The following ADARB2 variants were observed in gnomAD, a reference collection of about 807,000 sequenced individuals.
ADARB2 encodes inactive double-stranded RNA-specific editase B2.
A neutral mutation model predicts 62.2 loss-of-function variants in ADARB2; 25 were observed. The observed-to-expected ratio is 0.40, with a 90% CI of 0.29 to 0.56. The LOEUF (loss-of-function observed/expected upper bound fraction) is 0.56, where lower values mean the gene tolerates loss of function less well. Ranked by LOEUF, ADARB2 falls within the 20% of genes least tolerant of loss-of-function variation. ADARB2 has a pLI of 0.43. For synonymous variants in ADARB2, 572 were observed against 500.8 expected (o/e 1.14, Z -1.90); for missense variants, 1,071 against 1,077.4 (o/e 0.99, Z 0.08).
intron 1 of ADARB2, among the ~76,000 whole-genome samples, chr10:1,517,193 C>CT (rs915232336): frequency 1.3e-5 from 2 of 152,012 alleles, no homozygotes; most frequent in Non-Finnish European, 2.9e-5. Context: ...TCGTGCCTTC[C>CT]TTTTTTGGAA....
Position 1,363,263 on chromosome 10 carries a change from AC to A in ADARB2, c.841del (p.Val281CysfsTer3). On this transcript the variant is annotated frameshift_variant, in exon 3 of 10. Coordinates refer to ENST00000381312, the MANE Select transcript of ADARB2 (RefSeq NM_018702.4). LOFTEE classifies it high-confidence loss of function. ...CCCGGCGCGCAGGCGGTTCAGCAGC[AC>A]CACGGGGTTGCGCTCGCCCGGGGCC... ...PAAPGERNPVVLLNRLRAGLR... is the reference protein window; with the variant it reads ...PAAPGERNPVXLLNRLRAGLR... 7.8e-7 allele frequency: 1 copy of A among 1,289,712 alleles called. No individual in the cohort carries two copies. 79.9% of individuals were successfully genotyped at this position (1,289,712 alleles called of 1,614,324 possible).
chr10:1,225,332 T>C (rs950196640), intron 6 of ADARB2, among the ~76,000 whole-genome samples: 43 of 152,334 alleles, frequency 2.8e-4, no homozygotes, highest in African/African-American at 1.0e-3. Context: ...GTTTCCTGAA[T>C]ACAGCACACT....
At chr10:1,356,818 T>G (rs1832200493) in intron 3 of ADARB2, among the ~76,000 whole-genome samples, 1 of 152,198 alleles carries the variant, frequency 6.6e-6, no homozygotes. Context: ...ACAAGCCAAT[T>G]GTGAAATCCT....
At chr10:1,261,841 A>C (rs1831140368) in intron 4 of ADARB2, among the ~76,000 whole-genome samples, 1 of 150,024 alleles carries the variant, frequency 6.7e-6, no homozygotes, top group Admixed American at 6.6e-5. Context: ...ACACATGCAC[A>C]CGTATGTTTA....
chr10:1,221,248 C>A (rs867175127), intron 6 of ADARB2, among the ~76,000 whole-genome samples: 2 of 152,152 alleles, frequency 1.3e-5, no homozygotes, highest in Non-Finnish European at 2.9e-5. Context: ...TAGATGCTCA[C>A]AAATCCATCC....
intron 3 of ADARB2, among the ~76,000 whole-genome samples, chr10:1,305,666 A>T (rs1476752231): frequency 6.6e-6 from 1 of 151,762 alleles, no homozygotes; most frequent in Non-Finnish European, 1.5e-5. Flanking sequence ...AAATACTGGC[A>T]AACCGAATCC....
In ADARB2 at chr10:1,340,054, G is replaced by A. The variant is rs144349703; in HGVS notation, c.1077+22974C>T. ...AGACAGCCTAGAGCCACGTGGGTCC[G>A]GAATTGAATCAGCACCCACCAGAGA... On this transcript the variant is annotated intron_variant, in intron 3 of 9. Transcript: ENST00000381312. Among the ~76,000 whole-genome samples the A allele has an allele frequency of 2.2e-3, 338 of 151,926 alleles. 4 individuals carry two copies. The highest frequency in any genetic ancestry group is 7.5e-3 in the African/African-American group (311 of 41,276).
Position 1,593,162 on chromosome 10 carries a change from G to A in ADARB2, c.100+143889C>T, listed in dbSNP as rs572286077. ...CCCTTCACCCAAGCCACGCTCCATCGGTCTCCTCTCTGGCATGGTCCCCTC... is the reference window on the plus strand; with the variant it reads ...CCCTTCACCCAAGCCACGCTCCATCAGTCTCCTCTCTGGCATGGTCCCCTC... On this transcript the variant is annotated intron_variant, in intron 1 of 9. Coordinates refer to ENST00000381312, the MANE Select transcript of ADARB2 (RefSeq NM_018702.4). Among the ~76,000 whole-genome samples, 20 of 115,632 alleles carry A rather than the reference G, an allele frequency of 1.7e-4. 3 individuals carry two copies. The highest frequency in any genetic ancestry group is 9.8e-3 in the Middle Eastern group (2 of 204). 75.9% of individuals were successfully genotyped at this position (115,632 alleles called of 152,430 possible).
intron 1 of ADARB2, among the ~76,000 whole-genome samples, chr10:1,664,499 CTTCT>C (rs1242656022): frequency 3.3e-5 from 5 of 152,220 alleles, no homozygotes; most frequent in Non-Finnish European, 7.3e-5. Flanking sequence ...GCTGTCACGG[CTTCT>C]TTCTAAGAGG....
intron 1 of ADARB2, among the ~76,000 whole-genome samples, chr10:1,399,238 A>G (rs1369762613): frequency 6.6e-6 from 1 of 152,090 alleles, no homozygotes; most frequent in East Asian, 1.9e-4. Context: ...GAGGGTATTT[A>G]TAGTTCATGG....
chr10:1,678,333 C>T (rs1834494267), intron 1 of ADARB2: 1 of 985,014 alleles, frequency 1.0e-6, no homozygotes, highest in Non-Finnish European at 1.2e-6. Flanking sequence ...GGTGAACATC[C>T]TCGGGGTGAG....
intron 8 of ADARB2, among the ~76,000 whole-genome samples, chr10:1,189,933 CGAACACGTGGCGCTACCTCCTTCCCCA>C (rs1836817382): frequency 8.2e-6 from 1 of 122,370 alleles, no homozygotes; most frequent in Non-Finnish European, 1.7e-5. Flanking sequence ...CTCCTTCCCC[CGAACACGTGGCGCTACCTCCTTCCCCA>C]GTTCACAGCA....
chr10:1,242,308 A>G lies in ADARB2; in HGVS notation c.1193-9T>C. The G allele has an allele frequency of 6.5e-7, 1 of 1,549,440 alleles. No individual in the cohort carries two copies. The highest frequency in any genetic ancestry group is 8.7e-7 in the Non-Finnish European group (1 of 1,148,546). Reference sequence around the variant, plus strand: ...CTGCCGAGCATCCAGGCCTGGGGACACAGATAGCATCAGAGCAGCGTGGCC... The same window carrying G: ...CTGCCGAGCATCCAGGCCTGGGGACGCAGATAGCATCAGAGCAGCGTGGCC... On this transcript the variant is annotated splice_polypyrimidine_tract_variant and intron_variant, in intron 4 of 9. Coordinates refer to ENST00000381312, the MANE Select transcript of ADARB2 (RefSeq NM_018702.4).
intron 3 of ADARB2, among the ~76,000 whole-genome samples, chr10:1,272,436 G>A (rs1370050545): frequency 6.6e-6 from 1 of 152,212 alleles, no homozygotes. Context: ...AGCCCTGCCT[G>A]CCAGAAGCAA....
In ADARB2 at chr10:1,481,635, G is replaced by A. The variant is rs546760306; in HGVS notation, c.101-102475C>T. Among the ~76,000 whole-genome samples the A allele has an allele frequency of 1.6e-3, 32 of 19,732 alleles. No individual in the cohort carries two copies. In the Admixed American group the frequency reaches 0.026, roughly 16 times the overall value. The allele number at this position is 19,732 out of a possible 152,430, so 12.9% of individuals were successfully genotyped here. On this transcript the variant is annotated intron_variant, in intron 1 of 9. Transcript: ENST00000381312. ...CGCATCATCCCAGCTGAAGTGTGCGGATCACGAGGTCAGGAGTTCAAGACC... is the reference window on the plus strand; with the variant it reads ...CGCATCATCCCAGCTGAAGTGTGCGAATCACGAGGTCAGGAGTTCAAGACC...
At chr10:1,533,544 AG>A (rs1312120830) in intron 1 of ADARB2, among the ~76,000 whole-genome samples, 4 of 152,152 alleles carry the variant, frequency 2.6e-5, no homozygotes, top group African/African-American at 9.7e-5. Flanking sequence ...GGGGCTGTTT[AG>A]GGACTCAAGG....
chr10:1,275,580 ATG>A (rs1490735172), intron 3 of ADARB2, among the ~76,000 whole-genome samples: 3 of 151,860 alleles, frequency 2.0e-5, no homozygotes, highest in Non-Finnish European at 4.4e-5. Flanking sequence ...ATATGTATAC[ATG>A]TGCCATGTTG....
intron 1 of ADARB2, among the ~76,000 whole-genome samples, chr10:1,568,868 A>G (rs375291789): frequency 6.6e-6 from 1 of 151,934 alleles, no homozygotes; most frequent in East Asian, 1.9e-4. Flanking sequence ...CAAAGCACAC[A>G]CGGCAGAATC....
At chr10:1,549,909 C>G (rs1246661871) in intron 1 of ADARB2, among the ~76,000 whole-genome samples, 1 of 152,214 alleles carries the variant, frequency 6.6e-6, no homozygotes, top group Non-Finnish European at 1.5e-5. Flanking sequence ...TTAGATGGAG[C>G]TCTCTGTGCC....
Sources: allele counts gnomAD v4.1 joint callset (sites outside exome capture counted in the v4.1 genomes callset), GRCh38; gene constraint gnomAD v4.1.1; transcripts MANE v1.5; gene names NCBI Gene and HGNC (gene_info 2026-07-23, HGNC 2026-07-21).